Variants in MTR observed in about 807,000 individuals in gnomAD.
MTR encodes the protein 5-methyltetrahydrofolate-homocysteine methyltransferase.
Under a neutral mutation model 154.8 loss-of-function variants are expected in MTR, and 84 were observed. The ratio of observed to expected loss-of-function variants is 0.54; its 90% CI spans 0.45 to 0.65. The LOEUF (loss-of-function observed/expected upper bound fraction) is 0.65. Among genes scored for constraint, MTR ranks in the 30% least tolerant of loss-of-function variants. The pLI is 0.00. For synonymous variants in MTR, 554 were observed against 553.9 expected (o/e 1.00, Z 0.00); for missense variants, 1,275 against 1,570.2 (o/e 0.81, Z 3.18).
chr1:236,849,648 A>G (rs1456869811), intron 15 of MTR, among the ~76,000 whole-genome samples: 1 of 152,096 alleles, frequency 6.6e-6, no homozygotes, highest in Non-Finnish European at 1.5e-5. Context: ...ATGGTAGGAG[A>G]TGAGATTGGA....
chr1:236,821,561 C>G (rs1661950988), intron 8 of MTR, among the ~76,000 whole-genome samples: 1 of 152,168 alleles, frequency 6.6e-6, no homozygotes, highest in South Asian at 2.1e-4. Flanking sequence ...AGTTTTAAAT[C>G]TTAGTGAAGT....
Position 236,850,394 on chromosome 1 carries a change from G to T in MTR, c.1566G>T (p.Leu522=). 1 of 1,613,676 alleles carries T rather than the reference G, an allele frequency of 6.2e-7. No homozygotes were observed. The highest frequency in any genetic ancestry group is 8.5e-7 in the Non-Finnish European group (1 of 1,179,918). ...KIRVCTRAYH[L]LVKKLGFNPN... ...GAGTGTGCACCCGGGCCTACCATCT[G>T]CTTGTGAAAAAACTGGGCTTTAATC... Residue 522 remains leucine, a synonymous_variant, in exon 16 of 33, where the codon CTG becomes CTT. Coordinates refer to ENST00000366577, the MANE Select transcript of MTR (RefSeq NM_000254.3).
At chr1:236,860,065 AGCTG>A in intron 19 of MTR, 143 bp downstream of exon 19, 7 of 295,810 alleles carry the variant, frequency 2.4e-5, no homozygotes, top group South Asian at 6.7e-5. Flanking sequence ...GCTGTCCCCC[AGCTG>A]CCCCCCCCCC....
At chr1:236,832,409 C>T (rs1295366555) in intron 13 of MTR, among the ~76,000 whole-genome samples, 1 of 152,178 alleles carries the variant, frequency 6.6e-6, no homozygotes, top group East Asian at 1.9e-4. Flanking sequence ...CTCACAAATC[C>T]TTCTAGGGAA....
chr1:236,817,519 A>G (rs556409541), intron 8 of MTR, among the ~76,000 whole-genome samples: 6 of 152,282 alleles, frequency 3.9e-5, no homozygotes, highest in South Asian at 2.1e-4. Context: ...TAAGTGCTTT[A>G]TGTGAATTCT....
At chr1:236,857,741 G>A (rs542408897) in intron 18 of MTR, among the ~76,000 whole-genome samples, 9 of 152,302 alleles carry the variant, frequency 5.9e-5, no homozygotes, top group South Asian at 4.1e-4. Context: ...GTCACCCAGC[G>A]CAGCAAGTGC....
At chr1:236,857,692 A>G (rs926984802) in intron 18 of MTR, among the ~76,000 whole-genome samples, 2 of 152,240 alleles carry the variant, frequency 1.3e-5, no homozygotes, top group Non-Finnish European at 2.9e-5. Context: ...CTGAGAGCCT[A>G]CAGCTCAGTG....
At chr1:236,894,719 T>C in intron 30 of MTR, 162 bp downstream of exon 30, 1 of 679,922 alleles carries the variant, frequency 1.5e-6, no homozygotes, top group Non-Finnish European at 2.4e-6. Context: ...TATTTTAATA[T>C]TATGTATCCC....
chr1:236,842,364 G>A (rs1489247379), intron 15 of MTR, among the ~76,000 whole-genome samples: 5 of 152,136 alleles, frequency 3.3e-5, no homozygotes, highest in African/African-American at 1.2e-4. Context: ...GGTAGGAAGT[G>A]TCCTTGAGTT....
intron 6 of MTR, among the ~76,000 whole-genome samples, chr1:236,814,175 TAACAC>T (rs778543740): frequency 1.4e-3 from 216 of 152,324 alleles, no homozygotes; most frequent in Non-Finnish European, 2.4e-3. Flanking sequence ...ACCTCATTCT[TAACAC>T]ATCACTTTCA....
intron 28 of MTR, among the ~76,000 whole-genome samples, chr1:236,889,835 A>G (rs934726305): frequency 6.6e-6 from 1 of 152,202 alleles, no homozygotes; most frequent in South Asian, 2.1e-4. Flanking sequence ...TAGAGGAGAC[A>G]GTGTGAGAAG....
intron 21 of MTR, among the ~76,000 whole-genome samples, chr1:236,862,735 T>A (rs770993556): frequency 6.6e-6 from 1 of 152,196 alleles, no homozygotes; most frequent in Non-Finnish European, 1.5e-5. Context: ...AGAAAACTCT[T>A]AACTGAATAG....
chr1:236,861,108 T>TTTTGTTTTTTTTTTTTTTTG lies in MTR; in HGVS notation c.2044-14_2044-13insGTTTTTTTTTTTTTTTGTTT. 1 of 1,518,176 alleles carries TTTTGTTTTTTTTTTTTTTTG rather than the reference T, an allele frequency of 6.6e-7. No homozygotes were observed. Among genetic ancestry groups the TTTTGTTTTTTTTTTTTTTTG allele is most frequent in the East Asian group, 2.4e-5 (1 of 42,378 alleles). The allele number at this position is 1,518,176 out of a possible 1,614,324, so 94.0% of individuals were successfully genotyped here. A position where few individuals can be genotyped will look rare whatever the true frequency, so the allele number is the denominator to read the frequency against. On this transcript the variant is annotated splice_polypyrimidine_tract_variant and intron_variant, in intron 19 of 32. Coordinates refer to ENST00000366577, the MANE Select transcript of MTR (RefSeq NM_000254.3). Reference sequence around the variant, plus strand: ...CTTTCTTTCTTTTTCTTTTTTTTTTTTTTTTGTCTTTTTTAGGGCATTGAA... The same window carrying TTTTGTTTTTTTTTTTTTTTG: ...CTTTCTTTCTTTTTCTTTTTTTTTTTTTTGTTTTTTTTTTTTTTTGTTTTTGTCTTTTTTAGGGCATTGAA...
intron 22 of MTR, 62 bp downstream of exon 22, chr1:236,863,616 G>C: frequency 7.0e-7 from 1 of 1,418,506 alleles, no homozygotes. Flanking sequence ...CCTTTTAACA[G>C]AATAATTCTT....
In MTR at chr1:236,799,723, A is replaced by G. The variant is rs369923650; in HGVS notation, c.35-3705A>G. ...AAGAATCTCCCCCAACCCATCGTCT[A>G]TTATTTTTGTCTATGGTGACTTTCG... On this transcript the variant is annotated intron_variant, in intron 1 of 32. Transcript: ENST00000366577. Among the ~76,000 whole-genome samples, 91 of 151,926 alleles carry G rather than the reference A, an allele frequency of 6.0e-4. 1 individual carries two copies. The highest frequency in any genetic ancestry group is 3.4e-3 in the Middle Eastern group (1 of 294).
At position 236,903,776 on chromosome 1, in the gene MTR, G is replaced by A. The variant is rs1434854971; in HGVS notation, c.*6132G>A. 2 of 152,162 alleles carry A rather than the reference G, an allele frequency of 1.3e-5. No homozygotes were observed. Among genetic ancestry groups the A allele is most frequent in the Admixed American group, 1.3e-4 (2 of 15,278 alleles). 9.4% of individuals were successfully genotyped at this position (152,162 alleles called of 1,614,324 possible). ...CACAATCTTGTTTCTTCATTTCCCAGAGAGAAACTCGGCAAAGAGAAAAAG... is the reference window on the plus strand; with the variant it reads ...CACAATCTTGTTTCTTCATTTCCCAAAGAGAAACTCGGCAAAGAGAAAAAG... On this transcript the variant is annotated 3_prime_UTR_variant, in exon 33 of 33. Transcript: ENST00000366577.
intron 28 of MTR, among the ~76,000 whole-genome samples, chr1:236,890,050 A>G (rs1376780390): frequency 6.6e-6 from 1 of 152,166 alleles, no homozygotes; most frequent in Non-Finnish European, 1.5e-5. Flanking sequence ...AGGATCAGGT[A>G]GTAGCCAGAT....
chr1:236,873,266 C>T (rs1199416213), intron 22 of MTR, among the ~76,000 whole-genome samples: 3 of 151,986 alleles, frequency 2.0e-5, no homozygotes, highest in Admixed American at 6.6e-5. Context: ...TAGAGGTTAC[C>T]AGGGGATGGA....
intron 8 of MTR, among the ~76,000 whole-genome samples, chr1:236,821,774 A>G (rs2103083821): frequency 6.6e-6 from 1 of 152,354 alleles, no homozygotes; most frequent in Non-Finnish European, 1.5e-5. Context: ...ACTTTTTCAA[A>G]TGCAGATGCC....
Sources: gnomAD v4.1 joint callset for allele counts (sites outside exome capture counted in the v4.1 genomes callset) on GRCh38, gnomAD v4.1.1 for gene constraint, MANE v1.5 for transcripts, NCBI Gene and HGNC (gene_info 2026-07-23, HGNC 2026-07-21) for gene names.